NBAS: variants seen among roughly 807,000 people sequenced by gnomAD.
NBAS encodes the protein NBAS subunit of NRZ tethering complex.
Under a neutral mutation model 302.5 loss-of-function variants are expected in NBAS, and 219 were observed. The ratio of observed to expected loss-of-function variants is 0.72; its 90% CI spans 0.65 to 0.81. The LOEUF is 0.81. NBAS is among the 30% of genes least tolerant of loss of function. The probability of loss-of-function intolerance (pLI) is 0.00; values close to 1 mark genes in which losing one functional copy is unlikely to be tolerated. For missense variants in NBAS, 2,932 were observed against 2,841.6 expected, an observed-to-expected ratio of 1.03 and a Z score of -0.72; for synonymous variants, 1,118 against 1,021.6, an observed-to-expected ratio of 1.09 and a Z score of -1.80.
At chr2:15,286,869 T>A (rs367804230) in intron 42 of NBAS, among the ~76,000 whole-genome samples, 32 of 152,032 alleles carry the variant, frequency 2.1e-4, no homozygotes, top group African/African-American at 7.7e-4. Flanking sequence ...ACACAAAAAA[T>A]TTTCAGTAAA....
chr2:15,479,802 C>T (rs1436438103), intron 12 of NBAS, among the ~76,000 whole-genome samples: 1 of 152,184 alleles, frequency 6.6e-6, no homozygotes, highest in African/African-American at 2.4e-5. Flanking sequence ...TGACATTAAA[C>T]ACAAGGTGAA....
intron 21 of NBAS, among the ~76,000 whole-genome samples, chr2:15,439,818 C>G (rs576202399): frequency 6.6e-6 from 1 of 152,182 alleles, no homozygotes; most frequent in Non-Finnish European, 1.5e-5. Context: ...CTGCGCTTTT[C>G]CAACAGGCTT....
intron 19 of NBAS, among the ~76,000 whole-genome samples, chr2:15,466,155 T>G (rs1416337754): frequency 1.3e-5 from 2 of 152,154 alleles, no homozygotes; most frequent in African/African-American, 4.8e-5. Flanking sequence ...TAAAAACATT[T>G]CAATTATATT....
the NBAS span, among the ~76,000 whole-genome samples, chr2:14,846,368 CCAGA>C: frequency 6.6e-6 from 1 of 150,892 alleles, no homozygotes; most frequent in Non-Finnish European, 1.5e-5. Flanking sequence ...GAAAACTTTC[CCAGA>C]CAGACAAAAG....
chr2:15,540,989 G>C (rs1433852005), intron 6 of NBAS, among the ~76,000 whole-genome samples: 1 of 152,068 alleles, frequency 6.6e-6, no homozygotes, highest in Non-Finnish European at 1.5e-5. Flanking sequence ...CTCCCAAAGT[G>C]CTGGAATTAC....
chr2:14,970,607 C>T, the NBAS span, among the ~76,000 whole-genome samples: 3 of 152,278 alleles, frequency 2.0e-5, no homozygotes, highest in East Asian at 3.9e-4. Context: ...CTCTGGATTT[C>T]GGTCTCTTGG....
At chr2:14,807,912 G>GTC in the NBAS span, among the ~76,000 whole-genome samples, 35 of 150,872 alleles carry the variant, frequency 2.3e-4, 1 homozygote, top group Admixed American at 7.3e-4. Context: ...ATCCCTCTCT[G>GTC]TCTCTCTCTC....
chr2:15,075,988 A>G, the NBAS span, among the ~76,000 whole-genome samples: 3 of 152,244 alleles, frequency 2.0e-5, no homozygotes, highest in Admixed American at 2.0e-4. Context: ...TTAAAGATAG[A>G]GAATTACAAA....
At chr2:15,422,742 T>A (rs1677272511) in intron 23 of NBAS, among the ~76,000 whole-genome samples, 1 of 152,180 alleles carries the variant, frequency 6.6e-6, no homozygotes. Context: ...AGAAATTTTT[T>A]AATTCACATT....
At chr2:15,315,184 A>AAAGATATGCAGTGT (rs1263339060) in intron 38 of NBAS, among the ~76,000 whole-genome samples, 2 of 152,252 alleles carry the variant, frequency 1.3e-5, no homozygotes, top group Admixed American at 1.3e-4. Flanking sequence ...AAAAATAGTT[A>AAAGATATGCAGTGT]AAGATATGCA....
chr2:14,910,540 G>A, the NBAS span, among the ~76,000 whole-genome samples: 4 of 152,186 alleles, frequency 2.6e-5, no homozygotes, highest in African/African-American at 9.7e-5. Context: ...CTGAGCTAAG[G>A]AGACAAGAGG....
chr2:15,445,399 G>A (rs1481950385), intron 21 of NBAS, among the ~76,000 whole-genome samples: 9 of 148,838 alleles, frequency 6.0e-5, no homozygotes, highest in East Asian at 4.0e-4. Flanking sequence ...GTAAACTATC[G>A]CAAGAACAAA....
chr2:15,201,628 T>C (rs1205028099), intron 48 of NBAS, among the ~76,000 whole-genome samples: 1 of 152,230 alleles, frequency 6.6e-6, no homozygotes, highest in African/African-American at 2.4e-5. Context: ...AAAATATAAA[T>C]ATGATATGTT....
chr2:15,369,108 T>C (rs1292345062), intron 31 of NBAS, among the ~76,000 whole-genome samples: 2 of 152,200 alleles, frequency 1.3e-5, no homozygotes, highest in East Asian at 3.9e-4. Flanking sequence ...TAGGTACTTT[T>C]AACACATTTC....
chr2:15,049,047 G>A, the NBAS span, among the ~76,000 whole-genome samples: 3,257 of 152,342 alleles, frequency 0.021, 137 homozygotes, highest in East Asian at 0.1. Context: ...CCAGGCGAAG[G>A]GACTTTGCAG....
chr2:15,358,173 T>TTG (rs1353402819), intron 32 of NBAS, among the ~76,000 whole-genome samples: 2 of 152,020 alleles, frequency 1.3e-5, no homozygotes, highest in Admixed American at 1.3e-4. Context: ...TTGCACACCC[T>TTG]ACCACTCACC....
At chr2:15,449,517 T>C (rs1678903657) in intron 21 of NBAS, among the ~76,000 whole-genome samples, 1 of 152,170 alleles carries the variant, frequency 6.6e-6, no homozygotes, top group African/African-American at 2.4e-5. Flanking sequence ...GTCAACATAC[T>C]TCCAAGGCCC....
At chr2:14,928,554 A>C in the NBAS span, among the ~76,000 whole-genome samples, 3 of 152,312 alleles carry the variant, frequency 2.0e-5, no homozygotes, top group Non-Finnish European at 4.4e-5. Flanking sequence ...TAATACAAAT[A>C]ATAAGAATGA....
chr2:15,162,838 T>A (rs150520724), downstream of NBAS, among the ~76,000 whole-genome samples: 421 of 152,340 alleles, frequency 2.8e-3, 4 homozygotes, highest in African/African-American at 9.6e-3. Flanking sequence ...AAATACTGAA[T>A]TCCCAGCTGT....
Sources: allele counts gnomAD v4.1 joint callset (sites outside exome capture counted in the v4.1 genomes callset), GRCh38; gene constraint gnomAD v4.1.1; transcripts MANE v1.5; gene names NCBI Gene and HGNC (gene_info 2026-07-23, HGNC 2026-07-21).